Variants in IKZF3 observed in about 807,000 individuals in gnomAD.
IKZF3 encodes the protein zinc finger protein Aiolos.
In IKZF3, 10 loss-of-function variants were observed where a neutral mutation model predicts 49.0. That is an observed-to-expected ratio of 0.20 (90% CI 0.13 to 0.35). IKZF3 has a LOEUF of 0.35. Among genes scored for constraint, IKZF3 ranks in the 10% least tolerant of loss-of-function variants. The pLI is 1.00. For synonymous variants in IKZF3, 209 were observed against 228.2 expected, an observed-to-expected ratio of 0.92 and a Z score of 0.76; for missense variants, 498 against 664.8, an observed-to-expected ratio of 0.75 and a Z score of 2.76.
At chr17:39,786,315 G>C (rs1341354424) in intron 6 of IKZF3, among the ~76,000 whole-genome samples, 1 of 152,192 alleles carries the variant, frequency 6.6e-6, no homozygotes, top group East Asian at 1.9e-4. Flanking sequence ...GCGAGTCTCA[G>C]TCTTGTCACC....
intron 1 of IKZF3, among the ~76,000 whole-genome samples, chr17:39,850,259 ATAT>A (rs1313927529): frequency 1.4e-5 from 2 of 141,762 alleles, no homozygotes; most frequent in Admixed American, 7.3e-5. Context: ...AATATATAGC[ATAT>A]TATGTATGTA....
chr17:39,778,265 A>T, intron 6 of IKZF3: 1 of 781,192 alleles, frequency 1.3e-6, no homozygotes, highest in Non-Finnish European at 1.6e-6. Flanking sequence ...CTACTCAGTG[A>T]TTTGTGTATT....
rs577963592 is a variant in IKZF3, at chr17:39,784,194, T to C, written c.709+4064A>G. On this transcript the variant is annotated intron_variant, in intron 6 of 7. Transcript: ENST00000346872. Reference sequence around the variant, plus strand: ...AAATATTTCCTGCTCCAAGTATTCATAATCTGTGTGAATGAGGCTAAATGA... The same window carrying C: ...AAATATTTCCTGCTCCAAGTATTCACAATCTGTGTGAATGAGGCTAAATGA... Among the ~76,000 whole-genome samples, 8 of 152,344 alleles carry C rather than the reference T, an allele frequency of 5.3e-5. No individual in the cohort carries two copies. The South Asian group carries it at 8.3e-4, about 16-fold the overall frequency.
At chr17:39,813,381 A>G (rs1401763040) in intron 3 of IKZF3, among the ~76,000 whole-genome samples, 3 of 152,102 alleles carry the variant, frequency 2.0e-5, no homozygotes, top group African/African-American at 7.2e-5. Flanking sequence ...ACAGTGGCTC[A>G]CACCTGTAAT....
intron 7 of IKZF3, among the ~76,000 whole-genome samples, chr17:39,770,254 C>T (rs949409982): frequency 3.4e-4 from 51 of 152,176 alleles, no homozygotes; most frequent in African/African-American, 1.2e-3. Flanking sequence ...CTGCACGGAG[C>T]ATCTGGTCCA....
intron 4 of IKZF3, among the ~76,000 whole-genome samples, chr17:39,791,787 T>A (rs766055270): frequency 5.3e-5 from 8 of 152,026 alleles, no homozygotes; most frequent in Non-Finnish European, 7.4e-5. Context: ...CTAGCAAGGC[T>A]ATTTTAGGTA....
At chr17:39,814,136 TG>T (rs1458475691) in intron 3 of IKZF3, among the ~76,000 whole-genome samples, 2 of 152,346 alleles carry the variant, frequency 1.3e-5, no homozygotes, top group Non-Finnish European at 2.9e-5. Context: ...GGGAAGCTAC[TG>T]AAGATGGGAG....
chr17:39,863,865 G>C (rs1338038489), intron 1 of IKZF3, among the ~76,000 whole-genome samples: 2 of 152,110 alleles, frequency 1.3e-5, no homozygotes, highest in Non-Finnish European at 2.9e-5. Context: ...GCAGATGTAG[G>C]GTAGACCCCC....
intron 1 of IKZF3, among the ~76,000 whole-genome samples, chr17:39,832,947 T>A (rs1039957488): frequency 3.3e-5 from 5 of 152,148 alleles, no homozygotes; most frequent in African/African-American, 1.2e-4. Flanking sequence ...ACTTGATTAT[T>A]ATATATTCTA....
chr17:39,766,610 A>T, intron 7 of IKZF3, 117 bp from the exon 8 acceptor site: 2 of 820,134 alleles, frequency 2.4e-6, no homozygotes, highest in Non-Finnish European at 3.8e-6. Context: ...GCTCAAGAAG[A>T]CCAAGCCTGG....
intron 3 of IKZF3, among the ~76,000 whole-genome samples, chr17:39,828,097 T>C (rs1251996731): frequency 1.3e-5 from 2 of 152,214 alleles, no homozygotes; most frequent in East Asian, 3.8e-4. Context: ...GATGCAGTGG[T>C]TGCAATACCA....
chr17:39,840,485 G>C (rs2144392553), intron 1 of IKZF3, among the ~76,000 whole-genome samples: 1 of 152,128 alleles, frequency 6.6e-6, no homozygotes, highest in East Asian at 1.9e-4. Flanking sequence ...TTCAATAGGA[G>C]GTACTATTCC....
Position 39,823,931 on chromosome 17 carries a change from G to A in IKZF3, c.163+5456C>T, listed in dbSNP as rs146460721. On this transcript the variant is annotated intron_variant, in intron 3 of 7. Transcript: ENST00000346872. ...GGATATGTAGGGTAAAACCCCCCAT[G>A]CAGAGTCCCCACTGGAACACCGTGT... Among the ~76,000 whole-genome samples the A allele has an allele frequency of 2.4e-3, 362 of 152,328 alleles. 1 individual carries two copies. Among genetic ancestry groups the A allele is most frequent in the African/African-American group, 8.4e-3 (350 of 41,576 alleles).
Position 39,784,709 on chromosome 17 carries a change from T to C in IKZF3, c.709+3549A>G, listed in dbSNP as rs1001170540. On this transcript the variant is annotated intron_variant, in intron 6 of 7. Coordinates refer to ENST00000346872, the MANE Select transcript of IKZF3 (RefSeq NM_012481.5). ...GACCCACCGCGCCCGGCCAGGATTG[T>C]AAATCCTTAAAGTGTAGGGGCTTAA... Among the ~76,000 whole-genome samples the C allele has an allele frequency of 2.6e-5, 4 of 152,342 alleles. No individual in the cohort carries two copies. The South Asian group carries it at 8.3e-4, about 32-fold the overall frequency.
rs1229155208 is a variant in IKZF3, at chr17:39,803,955, TAA to T, written c.164-11024_164-11023del. Among the ~76,000 whole-genome samples, 4 of 152,224 alleles carry T rather than the reference TAA, an allele frequency of 2.6e-5. No individual in the cohort carries two copies. In the East Asian group the frequency reaches 7.7e-4, roughly 29 times the overall value. On this transcript the variant is annotated intron_variant, in intron 3 of 7. Transcript: ENST00000346872. ...ACAATACCAAACTCAGGGTCACAGG[TAA>T]AGGAAGGAATGAAAAAGTCTTCTAT...
At chr17:39,828,590 TG>T (rs931093810) in intron 3 of IKZF3, among the ~76,000 whole-genome samples, 57 of 152,330 alleles carry the variant, frequency 3.7e-4, no homozygotes, top group African/African-American at 1.3e-3. Flanking sequence ...GCAGGTAACC[TG>T]GGGACCTGGT....
At chr17:39,860,611 A>C (rs984504120) in intron 1 of IKZF3, among the ~76,000 whole-genome samples, 21 of 152,378 alleles carry the variant, frequency 1.4e-4, no homozygotes, top group African/African-American at 4.8e-4. Context: ...ACACAGAAAC[A>C]GAAAACCAAA....
Position 39,791,435 on chromosome 17 carries a change from C to T in IKZF3, c.573G>A (p.Gly191=), listed in dbSNP as rs137875446. The change falls in exon 5 of 8, where the codon GGG becomes GGA. Residue 191 remains glycine, a synonymous_variant. Coordinates refer to ENST00000346872, the MANE Select transcript of IKZF3 (RefSeq NM_012481.5). The part of the protein sequence containing the change: ...YACQRRDALT[G]HLRTHSVEKP... ...ACTTACCAGAATGTGTCCTAAGATG[C>T]CCCGTGAGCGCATCTCTTCTTTGGC... 4.3e-6 allele frequency: 7 copies of T among 1,613,818 alleles called. No homozygotes were observed. In the African/African-American group the frequency reaches 6.7e-5, roughly 15 times the overall value.
intron 6 of IKZF3, among the ~76,000 whole-genome samples, chr17:39,781,761 C>T (rs1290079786): frequency 3.3e-5 from 5 of 152,228 alleles, no homozygotes; most frequent in Admixed American, 2.6e-4. Flanking sequence ...CACTAAATGG[C>T]AAACTTTTGA....
Sources: gnomAD v4.1 joint callset for allele counts (sites outside exome capture counted in the v4.1 genomes callset) on GRCh38, gnomAD v4.1.1 for gene constraint, MANE v1.5 for transcripts, NCBI Gene and HGNC (gene_info 2026-07-23, HGNC 2026-07-21) for gene names.